ST8SIA2: variants seen among roughly 807,000 people sequenced by gnomAD.
ST8SIA2 encodes the protein alpha-2,8-sialyltransferase 8B.
In ST8SIA2, 22 loss-of-function variants were observed where a neutral mutation model predicts 37.6. That is an observed-to-expected ratio of 0.58 (90% confidence interval 0.42 to 0.83). The LOEUF (loss-of-function observed/expected upper bound fraction) is 0.83, where lower values mean the gene tolerates loss of function less well. ST8SIA2 is among the 40% of genes least tolerant of loss of function. The pLI, the probability that ST8SIA2 is intolerant of heterozygous loss-of-function variation, is 0.00. For missense variants in ST8SIA2, 382 were observed against 484.7 expected (o/e 0.79, Z 1.99); for synonymous variants, 205 against 201.2 (o/e 1.02, Z -0.16).
intron 5 of ST8SIA2, among the ~76,000 whole-genome samples, chr15:92,457,642 G>A (rs541358771): frequency 5.9e-5 from 9 of 152,160 alleles, no homozygotes; most frequent in Non-Finnish European, 1.2e-4. Flanking sequence ...CTTCAAGTCG[G>A]CCATGCACAC....
intron 3 of ST8SIA2, among the ~76,000 whole-genome samples, chr15:92,438,025 G>A (rs1256122695): frequency 6.6e-6 from 1 of 152,212 alleles, no homozygotes; most frequent in Non-Finnish European, 1.5e-5. Flanking sequence ...GGAAACTGGG[G>A]TGGTGGGCCA....
At chr15:92,433,130 C>CA (rs903779794) in intron 2 of ST8SIA2, among the ~76,000 whole-genome samples, 131 of 106,742 alleles carry the variant, frequency 1.2e-3, no homozygotes, top group Non-Finnish European at 1.2e-3. Context: ...CCTCTGTCTC[C>CA]AAAAAAAAAA....
At chr15:92,454,606 G>C (rs1264806799) in intron 5 of ST8SIA2, among the ~76,000 whole-genome samples, 1 of 151,948 alleles carries the variant, frequency 6.6e-6, no homozygotes, top group African/African-American at 2.4e-5. Context: ...TGAGTAGGGA[G>C]AGGGGAGCAT....
chr15:92,440,660 C>T (rs998649855), intron 4 of ST8SIA2, among the ~76,000 whole-genome samples: 1 of 152,144 alleles, frequency 6.6e-6, no homozygotes, highest in South Asian at 2.1e-4. Flanking sequence ...CCACTGGGTA[C>T]AGACTTACGT....
chr15:92,432,065 T>C (rs929902818), intron 2 of ST8SIA2, among the ~76,000 whole-genome samples: 2 of 152,132 alleles, frequency 1.3e-5, no homozygotes, highest in Non-Finnish European at 2.9e-5. Flanking sequence ...TGCAGCTCCT[T>C]CTTTCCTGAG....
chr15:92,404,824 G>C (rs955487725), intron 1 of ST8SIA2, among the ~76,000 whole-genome samples: 20 of 138,616 alleles, frequency 1.4e-4, no homozygotes, highest in African/African-American at 5.0e-4. Flanking sequence ...GACAGAGCAA[G>C]ACTCCATCTC....
At chr15:92,401,094 C>T (rs2049466817) in intron 1 of ST8SIA2, among the ~76,000 whole-genome samples, 2 of 152,004 alleles carry the variant, frequency 1.3e-5, no homozygotes, top group Non-Finnish European at 2.9e-5. Flanking sequence ...TCTCAGCTGT[C>T]TCAAGCAGAG....
intron 1 of ST8SIA2, among the ~76,000 whole-genome samples, chr15:92,429,630 A>G (rs2049700493): frequency 6.6e-6 from 1 of 152,250 alleles, no homozygotes; most frequent in African/African-American, 2.4e-5. Flanking sequence ...GCAATGGACA[A>G]CAGCTCACTA....
Position 92,393,949 on chromosome 15 carries a change from G to C in ST8SIA2, c.-116G>C, listed in dbSNP as rs2049409035. Reference sequence around the variant, plus strand: ...CCGCCGGCCCGGACTCGTCCGGAGCGCAGGGTGTCTGCCCAGCTGCGCGCG... The same window carrying C: ...CCGCCGGCCCGGACTCGTCCGGAGCCCAGGGTGTCTGCCCAGCTGCGCGCG... On this transcript the variant is annotated 5_prime_UTR_variant, in exon 1 of 6. Coordinates refer to ENST00000268164, the MANE Select transcript of ST8SIA2 (RefSeq NM_006011.4). The C allele has an allele frequency of 2.0e-6, 1 of 497,596 alleles. No individual in the cohort carries two copies. The highest frequency in any genetic ancestry group is 6.3e-5 in the East Asian group (1 of 15,912). 30.8% of individuals were successfully genotyped at this position (497,596 alleles called of 1,614,324 possible).
At chr15:92,418,571 T>C (rs949731995) in intron 1 of ST8SIA2, among the ~76,000 whole-genome samples, 1 of 152,028 alleles carries the variant, frequency 6.6e-6, no homozygotes, top group Non-Finnish European at 1.5e-5. Flanking sequence ...TCTGCATCCA[T>C]GTCTAAGGAA....
intron 4 of ST8SIA2, among the ~76,000 whole-genome samples, chr15:92,444,054 C>A (rs372766500): frequency 1.3e-5 from 2 of 152,162 alleles, no homozygotes; most frequent in South Asian, 2.1e-4. Context: ...AGAGCGATGA[C>A]AACAGTTAGC....
At chr15:92,423,502 A>T (rs574201513) in intron 1 of ST8SIA2, among the ~76,000 whole-genome samples, 1 of 152,380 alleles carries the variant, frequency 6.6e-6, no homozygotes, top group South Asian at 2.1e-4. Context: ...CTTAGACAGA[A>T]CAAATTTATT....
chr15:92,438,431 T>G lies in ST8SIA2; in HGVS notation c.369T>G (p.Ile123Met). The change falls in exon 4 of 6, where the codon ATT (isoleucine) becomes ATG (methionine). Residue 123 changes from isoleucine (I) to methionine (M), a missense_variant. Ile to Met is a conservative substitution (Grantham distance 10). Coordinates refer to ENST00000268164, the MANE Select transcript of ST8SIA2 (RefSeq NM_006011.4). ...GAACCCTGAAGCCTGGAGATATTAT[T>G]CATTACATCTTCGATCGAGACAGCA... ...LKGTLKPGDI[I>M]HYIFDRDSTM... 2 of 1,614,222 alleles carry G rather than the reference T, an allele frequency of 1.2e-6. No individual in the cohort carries two copies. Among genetic ancestry groups the G allele is most frequent in the Non-Finnish European group, 1.7e-6 (2 of 1,180,038 alleles).
intron 5 of ST8SIA2, among the ~76,000 whole-genome samples, chr15:92,455,791 T>C (rs1596249941): frequency 6.6e-6 from 1 of 152,258 alleles, no homozygotes; most frequent in East Asian, 1.9e-4. Context: ...TTTTCAGAAG[T>C]CTTTGCCAAT....
rs1048349363 is a variant in ST8SIA2 at position 92,465,465 on chromosome 15, G to A, written c.*1080G>A. 6.6e-6 allele frequency: 1 copy of A among 152,194 alleles called. No homozygotes were observed. The highest frequency in any genetic ancestry group is 1.5e-5 in the Non-Finnish European group (1 of 68,038). The allele number at this position is 152,194 out of a possible 1,614,324, so 9.4% of individuals were successfully genotyped here. ...TGCCTCACAGAGCCCCAGAGTGTGA[G>A]ACCTGAAAGAATGTTCAGCATCTAG... On this transcript the variant is annotated 3_prime_UTR_variant, in exon 6 of 6. Coordinates refer to ENST00000268164, the MANE Select transcript of ST8SIA2 (RefSeq NM_006011.4).
rs975069749 is a variant in ST8SIA2, at chr15:92,466,116, A to G, written c.*1731A>G. ...GGAAGGGATTGGAGGCGGCAGAACC[A>G]TTAACCCTACACAAGAACACTCCAG... On this transcript the variant is annotated 3_prime_UTR_variant, in exon 6 of 6. Transcript: ENST00000268164. 6.6e-6 allele frequency: 1 copy of G among 152,174 alleles called. No homozygotes were observed. The highest frequency in any genetic ancestry group is 1.5e-5 in the Non-Finnish European group (1 of 68,028). The allele number at this position is 152,174 out of a possible 1,614,324, so 9.4% of individuals were successfully genotyped here.
intron 1 of ST8SIA2, among the ~76,000 whole-genome samples, chr15:92,419,222 G>T (rs544726250): frequency 6.6e-6 from 1 of 152,294 alleles, no homozygotes; most frequent in African/African-American, 2.4e-5. Context: ...GAGCTCTCTT[G>T]GTACAGGGAC....
At chr15:92,404,162 C>CT (rs1200653178) in intron 1 of ST8SIA2, among the ~76,000 whole-genome samples, 3 of 152,210 alleles carry the variant, frequency 2.0e-5, no homozygotes, top group Non-Finnish European at 4.4e-5. Context: ...TTACGTTTAT[C>CT]TGTAAGGACT....
At chr15:92,406,558 T>C (rs541102386) in intron 1 of ST8SIA2, among the ~76,000 whole-genome samples, 2 of 152,334 alleles carry the variant, frequency 1.3e-5, no homozygotes, top group African/African-American at 4.8e-5. Flanking sequence ...GCTGGGGGAA[T>C]GATTGGTTTC....
Sources: allele counts gnomAD v4.1 joint callset (sites outside exome capture counted in the v4.1 genomes callset), GRCh38; gene constraint gnomAD v4.1.1; transcripts MANE v1.5; gene names NCBI Gene and HGNC (gene_info 2026-07-23, HGNC 2026-07-21).